The following CPT1C variants were observed in gnomAD, a reference collection of about 807,000 sequenced individuals.
CPT1C encodes the protein carnitine palmitoyltransferase 1C.
CPT1C carries 61 observed loss-of-function variants against 97.3 expected under a neutral mutation model. That is an observed-to-expected ratio of 0.63 (90% confidence interval 0.51 to 0.78). The LOEUF is 0.78. CPT1C is among the 30% of genes least tolerant of loss of function. CPT1C has a pLI of 0.00. For synonymous variants in CPT1C, 469 were observed against 447.2 expected, an observed-to-expected ratio of 1.05 and a Z score of -0.61; for missense variants, 975 against 1,065.5, an observed-to-expected ratio of 0.92 and a Z score of 1.18.
chr19:49,705,783 T>C, intron 10 of CPT1C, 126 bp from the exon 11 acceptor site: 1 of 853,420 alleles, frequency 1.2e-6, no homozygotes, highest in Non-Finnish European at 1.8e-6. Flanking sequence ...ATAAAAGTCC[T>C]AGGGTGCTGA....
chr19:49,691,943 C>T, intron 2 of CPT1C, 54 bp downstream of exon 2: 2 of 376,844 alleles, frequency 5.3e-6, no homozygotes, highest in Admixed American at 4.1e-5. Flanking sequence ...CGCAAAAAGG[C>T]AGCTGAAAGC....
rs547155396 is a variant in CPT1C at position 49,706,177 on chromosome 19, G to T, written c.1161-54G>T. On this transcript the variant is annotated intron_variant, in intron 11 of 19. Transcript: ENST00000598293. This position sits in a 1 kb window ranked among gnomAD's most constrained non-coding sequence, Gnocchi z 4.8. ...TCCTGAGACTGTGGAAGGGCAGGGT[G>T]GGGCCAGGTGGCGGCTGGGCAGGAT... 508 of 1,549,982 alleles carry T rather than the reference G, an allele frequency of 3.3e-4. 9 individuals are homozygous for T. The South Asian group carries it at 5.9e-3, about 18-fold the overall frequency.
At chr19:49,700,490 G>T (rs1349706495) in intron 4 of CPT1C, among the ~76,000 whole-genome samples, 194 bp from the exon 5 acceptor site, 1 of 152,174 alleles carries the variant, frequency 6.6e-6, no homozygotes, top group Non-Finnish European at 1.5e-5. Context: ...CATGGAAAGT[G>T]ACTTTGGAAG....
Position 49,705,919 on chromosome 19 carries a change from C to T in CPT1C, c.975C>T (p.Arg325=), listed in dbSNP as rs148461300. The T allele has an allele frequency of 5.6e-4, 909 of 1,613,306 alleles. 2 individuals carry two copies. The highest frequency in any genetic ancestry group is 6.5e-4 in the Non-Finnish European group (768 of 1,179,676). ...RIPGVQKDYI[R]HLHDSQHVAV... ...CAACGCCACCCCTAGACTACATCCG[C>T]CACCTCCATGACAGCCAACACGTGG... Residue 325 remains arginine, a synonymous_variant, in exon 11 of 20, where the codon CGC becomes CGT. Coordinates refer to ENST00000598293, the MANE Select transcript of CPT1C (RefSeq NM_001199753.2).
chr19:49,697,087 C>T (rs757079697), intron 3 of CPT1C, among the ~76,000 whole-genome samples: 3 of 152,204 alleles, frequency 2.0e-5, no homozygotes, highest in Admixed American at 6.5e-5. Context: ...CTGATGCCCT[C>T]GAACTGTAAC....
At chr19:49,705,478 G>A (rs1206504039) in intron 10 of CPT1C, among the ~76,000 whole-genome samples, 180 bp downstream of exon 10, 2 of 152,098 alleles carry the variant, frequency 1.3e-5, no homozygotes, top group Admixed American at 6.6e-5. Flanking sequence ...TTGTACCTAG[G>A]GGCTGGGCGC....
intron 7 of CPT1C, among the ~76,000 whole-genome samples, chr19:49,703,737 A>G (rs1404770112): frequency 6.6e-6 from 1 of 151,682 alleles, no homozygotes; most frequent in Non-Finnish European, 1.5e-5. Flanking sequence ...GACTCAAGCC[A>G]TCCTCCCATC....
At chr19:49,710,287 C>T in intron 14 of CPT1C, 33 bp from the exon 15 acceptor site, 4 of 1,607,886 alleles carry the variant, frequency 2.5e-6, no homozygotes, top group Non-Finnish European at 3.4e-6. Flanking sequence ...CATCTGTAAC[C>T]CCAACTACTC....
intron 7 of CPT1C, among the ~76,000 whole-genome samples, chr19:49,703,121 TTCCC>T (rs139309273): frequency 0.13 from 18,132 of 143,910 alleles, 1,398 homozygotes; most frequent in Non-Finnish European, 0.17. Context: ...CTTCCCTTCC[TTCCC>T]TCCCTCCCTC....
chr19:49,713,146 C>A, intron 19 of CPT1C, 82 bp downstream of exon 19: 1 of 1,261,232 alleles, frequency 7.9e-7, no homozygotes. Context: ...CTCCCTCAGA[C>A]CCAGGATTCC....
chr19:49,704,653 G>C (rs1233214414), intron 7 of CPT1C, 57 bp from the exon 8 acceptor site: 6 of 1,375,764 alleles, frequency 4.4e-6, no homozygotes, highest in Non-Finnish European at 6.2e-6. Flanking sequence ...CTGTCCTACT[G>C]TCCCTCCCCC....
chr19:49,705,542 T>C (rs1453319605), intron 10 of CPT1C, among the ~76,000 whole-genome samples: 1 of 152,118 alleles, frequency 6.6e-6, no homozygotes, highest in East Asian at 1.9e-4. Context: ...GGACAATTGC[T>C]TAGGCCAGGA....
chr19:49,700,685 G>A lies in CPT1C; in HGVS notation c.283G>A (p.Gly95Ser). Residue 95 changes from glycine (G) to serine (S), a missense_variant and splice_region_variant, in exon 5 of 20, where the codon GGT (glycine) becomes AGT (serine). Physicochemically the swap from Gly to Ser is moderately conservative, Grantham distance 56 (BLOSUM62 0). This residue lies in a region of CPT1C where 596 missense variants were observed against 603.1 expected (regional missense o/e 0.99). Coordinates refer to ENST00000598293, the MANE Select transcript of CPT1C (RefSeq NM_001199753.2). ...EKIKELLPDW[G>S]GQHHGLRGVL... ...CAGCCTCTGTTTCTCTCCCCGCAGG[G>A]GTGGACAACACCACGGGCTCCGGGG... 1 of 1,607,758 alleles carries A rather than the reference G, an allele frequency of 6.2e-7. No individual in the cohort carries two copies.
rs914105747 is a variant in CPT1C at position 49,700,776 on chromosome 19, C to T, written c.374C>T (p.Ala125Val). ...GCCCTGATCTTCACACTGCACGTGG[C>T]CCTGAGGCTGCTTCTGTCCTACCAC... ...WGALIFTLHV[A>V]LRLLLSYHGW... Residue 125 changes from alanine (A) to valine (V), a missense_variant, in exon 5 of 20, where the codon GCC (alanine) becomes GTC (valine). Around this residue, in one of 3 missense-constraint regions of CPT1C, gnomAD observed 596 missense variants for 603.1 expected, o/e 0.99. Transcript: ENST00000598293. 1 of 1,613,238 alleles carries T rather than the reference C, an allele frequency of 6.2e-7. No individual in the cohort carries two copies. Among genetic ancestry groups the T allele is most frequent in the African/African-American group, 1.3e-5 (1 of 74,916 alleles).
Position 49,704,770 on chromosome 19 carries a change from A to G in CPT1C, c.754A>G (p.Ser252Gly). 2.5e-6 allele frequency: 4 copies of G among 1,614,050 alleles called. No individual in the cohort carries two copies. The highest frequency in any genetic ancestry group is 3.3e-5 in the Admixed American group (2 of 60,000). ...LRSRNPLMVN[S>G]NYYMMDFLYV... ...CTCCCGAAATCCGCTGATGGTGAAC[A>G]GCAACTATTACATGATGGTGAGAAG... Residue 252 changes from serine to glycine, a missense_variant, in exon 8 of 20, where the codon AGC becomes GGC. Transcript: ENST00000598293.
At chr19:49,695,278 ATTTTTTTTTT>A (rs947374904) in intron 3 of CPT1C, among the ~76,000 whole-genome samples, 1 of 127,554 alleles carries the variant, frequency 7.8e-6, no homozygotes, top group Non-Finnish European at 1.6e-5. Context: ...AAAATGCACA[ATTTTTTTTTT>A]TTTTTTTTTT....
At chr19:49,712,052 A>T in intron 17 of CPT1C, 91 bp downstream of exon 17, 1 of 1,491,130 alleles carries the variant, frequency 6.7e-7, no homozygotes, top group Non-Finnish European at 9.1e-7. Flanking sequence ...TTGAAAAAGG[A>T]CCCATCAAGG....
intron 7 of CPT1C, among the ~76,000 whole-genome samples, chr19:49,702,059 T>A (rs372613191): frequency 1.5e-3 from 113 of 77,692 alleles, no homozygotes; most frequent in East Asian, 2.9e-3. Context: ...ATTATAAATA[T>A]ATATTTATTT....
chr19:49,712,620 G>A, intron 17 of CPT1C, 116 bp from the exon 18 acceptor site: 1 of 741,960 alleles, frequency 1.3e-6, no homozygotes, highest in Non-Finnish European at 2.4e-6. Flanking sequence ...TGGTTAGGGA[G>A]AAGGAGGCCC....
Sources: allele counts gnomAD v4.1 joint callset (sites outside exome capture counted in the v4.1 genomes callset), GRCh38; gene constraint gnomAD v4.1.1; regional missense constraint gnomAD v4.1.1; non-coding constraint Gnocchi (gnomAD v3.1); transcripts MANE v1.5; gene names NCBI Gene and HGNC (gene_info 2026-07-23, HGNC 2026-07-21).